PDE8B: variants seen among roughly 807,000 people sequenced by gnomAD.
The protein encoded by PDE8B is phosphodiesterase 8B.
In PDE8B, 26 loss-of-function variants were observed where a neutral mutation model predicts 101.3. That is an observed-to-expected ratio of 0.26 (90% CI 0.19 to 0.36). The LOEUF (loss-of-function observed/expected upper bound fraction) is 0.36. Ranked by LOEUF, PDE8B falls within the 10% of genes least tolerant of loss-of-function variation. The pLI is 1.00. For synonymous variants in PDE8B, 424 were observed against 429.3 expected (o/e 0.99, Z 0.15); for missense variants, 810 against 1,163.1 (o/e 0.70, Z 4.42).
the PDE8B span, among the ~76,000 whole-genome samples, chr5:77,127,240 C>T: frequency 2.6e-5 from 4 of 152,228 alleles, no homozygotes; most frequent in African/African-American, 9.6e-5. Flanking sequence ...GCCTGTAATC[C>T]CCATGTGTTG....
chr5:77,323,588 G>C lies in PDE8B; in HGVS notation c.400-1951G>C, dbSNP rs1775480649. On this transcript the variant is annotated intron_variant, in intron 2 of 21. Coordinates refer to ENST00000264917, the MANE Select transcript of PDE8B (RefSeq NM_003719.5). ...CATTGGCTAGGAGTTGGTTATTGCT[G>C]AAGCCGGGTAAGGAGTACGTGAGTT... Among the ~76,000 whole-genome samples, 2 of 152,178 alleles carry C rather than the reference G, an allele frequency of 1.3e-5. 1 individual carries two copies. The highest frequency in any genetic ancestry group is 4.1e-4 in the South Asian group (2 of 4,828).
intron 1 of PDE8B, among the ~76,000 whole-genome samples, chr5:77,217,290 C>G (rs1749984553): frequency 6.6e-6 from 1 of 151,720 alleles, no homozygotes; most frequent in South Asian, 2.1e-4. Context: ...CCTGTCTTAT[C>G]AGTTTATTCC....
the PDE8B span, among the ~76,000 whole-genome samples, chr5:77,153,103 G>A: frequency 1.8e-4 from 27 of 152,118 alleles, no homozygotes; most frequent in Non-Finnish European, 3.2e-4. Flanking sequence ...TGGAGGCCAG[G>A]GATGCTGCTG....
chr5:77,274,358 C>A (rs1193404494), intron 1 of PDE8B, among the ~76,000 whole-genome samples: 1 of 152,198 alleles, frequency 6.6e-6, no homozygotes, highest in Non-Finnish European at 1.5e-5. Context: ...CAACACAGAT[C>A]TATCTGATTC....
the PDE8B span, among the ~76,000 whole-genome samples, chr5:77,155,795 G>C: frequency 6.6e-6 from 1 of 152,080 alleles, no homozygotes; most frequent in Non-Finnish European, 1.5e-5. Context: ...CTGGTATCAG[G>C]GGTATTTTTC....
chr5:77,180,870 G>A, the PDE8B span, among the ~76,000 whole-genome samples: 2 of 152,314 alleles, frequency 1.3e-5, no homozygotes, highest in African/African-American at 2.4e-5. Flanking sequence ...GCGGGACGGT[G>A]GGGCCCCTGC....
intron 10 of PDE8B, among the ~76,000 whole-genome samples, chr5:77,372,250 T>G (rs1581304755): frequency 1.3e-5 from 2 of 151,848 alleles, no homozygotes; most frequent in East Asian, 3.9e-4. Context: ...TAAAATTAGC[T>G]TTCTACTTGT....
At chr5:77,296,848 A>G (rs1444114366) in intron 1 of PDE8B, among the ~76,000 whole-genome samples, 1 of 151,898 alleles carries the variant, frequency 6.6e-6, no homozygotes, top group African/African-American at 2.4e-5. Flanking sequence ...TCCAGCTCTT[A>G]TGTGTACTTC....
At chr5:77,243,212 T>C (rs1233563832) in intron 1 of PDE8B, among the ~76,000 whole-genome samples, 4 of 152,224 alleles carry the variant, frequency 2.6e-5, no homozygotes, top group Admixed American at 6.5e-5. Context: ...GAAGATATCT[T>C]CTATGGTATG....
chr5:77,336,088 C>T (rs551149505), intron 5 of PDE8B, among the ~76,000 whole-genome samples: 2 of 152,220 alleles, frequency 1.3e-5, no homozygotes, highest in East Asian at 1.9e-4. Context: ...ATAGGTGCTT[C>T]GTAGTTCTTT....
chr5:77,278,082 T>G (rs1764196160), intron 1 of PDE8B, among the ~76,000 whole-genome samples: 1 of 152,158 alleles, frequency 6.6e-6, no homozygotes, highest in South Asian at 2.1e-4. Context: ...CAGCTGCCAT[T>G]TCCTGGGACC....
chr5:77,398,021 AAG>A (rs1022934378), intron 10 of PDE8B, among the ~76,000 whole-genome samples: 1 of 152,096 alleles, frequency 6.6e-6, no homozygotes, highest in Non-Finnish European at 1.5e-5. Flanking sequence ...CATGAGGAAA[AAG>A]AGATTCTTCC....
the PDE8B span, among the ~76,000 whole-genome samples, chr5:77,164,733 T>C: frequency 9.2e-5 from 14 of 152,208 alleles, no homozygotes; most frequent in Non-Finnish European, 1.8e-4. Context: ...GTGTTGTCTA[T>C]GGAAGCATTT....
chr5:77,284,874 A>G (rs1220850680), intron 1 of PDE8B, among the ~76,000 whole-genome samples: 1 of 152,190 alleles, frequency 6.6e-6, no homozygotes, highest in African/African-American at 2.4e-5. Context: ...ATGTTAATGG[A>G]CATTTGAGAT....
At chr5:77,336,177 T>A (rs1002160090) in intron 5 of PDE8B, among the ~76,000 whole-genome samples, 15 of 152,224 alleles carry the variant, frequency 9.9e-5, no homozygotes, top group African/African-American at 3.6e-4. Context: ...ACTAAGTTTA[T>A]TTATAAATAC....
chr5:77,223,651 T>A (rs891874669), intron 1 of PDE8B, among the ~76,000 whole-genome samples: 1 of 152,120 alleles, frequency 6.6e-6, no homozygotes, highest in Non-Finnish European at 1.5e-5. Context: ...TAGCTCCATT[T>A]TTGCTTCCCC....
the PDE8B span, chr5:77,111,809 A>G: frequency 6.6e-6 from 1 of 152,088 alleles, no homozygotes; most frequent in East Asian, 1.9e-4. Context: ...GCTACAGTAA[A>G]AGTTAATTTC....
chr5:77,391,621 C>G (rs1327466317), intron 10 of PDE8B, among the ~76,000 whole-genome samples: 2 of 152,220 alleles, frequency 1.3e-5, no homozygotes, highest in African/African-American at 2.4e-5. Context: ...ATCCCCAAAG[C>G]AGGATGTGCA....
chr5:77,358,045 C>T (rs1782423703), intron 10 of PDE8B, among the ~76,000 whole-genome samples: 1 of 152,218 alleles, frequency 6.6e-6, no homozygotes, highest in African/African-American at 2.4e-5. Flanking sequence ...TTCTGTTTCT[C>T]TCATCCCTTA....
Sources: allele counts gnomAD v4.1 joint callset (sites outside exome capture counted in the v4.1 genomes callset), GRCh38; gene constraint gnomAD v4.1.1; transcripts MANE v1.5; gene names NCBI Gene and HGNC (gene_info 2026-07-23, HGNC 2026-07-21).